BIVM: variants seen among roughly 807,000 people sequenced by gnomAD.
The protein encoded by BIVM is basic immunoglobulin-like variable motif-containing protein.
BIVM carries 31 observed loss-of-function variants against 61.4 expected under a neutral mutation model. The observed-to-expected ratio is 0.51, with a 90% confidence interval of 0.38 to 0.68. The LOEUF (loss-of-function observed/expected upper bound fraction) is 0.68, where lower values mean the gene tolerates loss of function less well. Ranked by LOEUF, BIVM falls within the 30% of genes least tolerant of loss-of-function variation. The pLI is 0.00. For missense variants in BIVM, 526 were observed against 596.0 expected (o/e 0.88, Z 1.22); for synonymous variants, 189 against 210.7 (o/e 0.90, Z 0.89).
intron 9 of BIVM, among the ~76,000 whole-genome samples, chr13:102,836,286 A>G (rs560570782): frequency 6.6e-6 from 1 of 152,098 alleles, no homozygotes; most frequent in South Asian, 2.1e-4. Flanking sequence ...TAGAAGCTTT[A>G]TAGATTTTAT....
rs763136458 is a variant in BIVM, at chr13:102,838,630, T to A, written c.1122-13T>A. 1 of 1,597,460 alleles carries A rather than the reference T, an allele frequency of 6.3e-7. No individual in the cohort carries two copies. The highest frequency in any genetic ancestry group is 8.5e-7 in the Non-Finnish European group (1 of 1,173,820). ...AAAGAAAATTGTGCTTTATCCTTTC[T>A]TCTTAACTATAGATGGGCAGATATT... On this transcript the variant is annotated splice_polypyrimidine_tract_variant and intron_variant, in intron 9 of 10. Transcript: ENST00000257336.
At chr13:102,816,670 AATT>A in intron 4 of BIVM, 116 bp downstream of exon 4, 1 of 961,848 alleles carries the variant, frequency 1.0e-6, no homozygotes, top group East Asian at 3.6e-5. Context: ...TTATTTCTAA[AATT>A]ATTACCAGGA....
chr13:102,820,893 T>A (rs1880225006), intron 4 of BIVM, 144 bp from the exon 5 acceptor site: 1 of 698,332 alleles, frequency 1.4e-6, no homozygotes, highest in Admixed American at 3.2e-5. Flanking sequence ...ACATGATTAA[T>A]AAGTGAATAT....
chr13:102,830,192 C>T (rs1375177708), intron 7 of BIVM, among the ~76,000 whole-genome samples: 1 of 152,130 alleles, frequency 6.6e-6, no homozygotes, highest in Non-Finnish European at 1.5e-5. Flanking sequence ...CTATCTTATT[C>T]CACCTTATAT....
At position 102,835,858 on chromosome 13, in the gene BIVM, G is replaced by A. The variant is rs938576359; in HGVS notation, c.1121+1306G>A. 1.2e-4 allele frequency among the ~76,000 whole-genome samples: 18 copies of A among 152,140 alleles called. 1 individual carries two copies. Among genetic ancestry groups the A allele is most frequent in the South Asian group, 6.2e-4 (3 of 4,824 alleles). On this transcript the variant is annotated intron_variant, in intron 9 of 10. Transcript: ENST00000257336. The stretch of plus-strand genomic sequence containing the variant: ...GGGATTTGCCTGTTCTTGACATTTC[G>A]TATAAATGGTGTCATACAGTATGTA...
rs565070500 is a variant in BIVM at position 102,829,512 on chromosome 13, A to G, written c.902-2053A>G. Reference sequence around the variant, plus strand: ...TTTGTGTCTTCTCATACACAGAATTACTTTCTTGGACAACTACCTTAATGT... The same window carrying G: ...TTTGTGTCTTCTCATACACAGAATTGCTTTCTTGGACAACTACCTTAATGT... On this transcript the variant is annotated intron_variant, in intron 7 of 10. Transcript: ENST00000257336. 5.3e-5 allele frequency among the ~76,000 whole-genome samples: 8 copies of G among 152,266 alleles called. No individual in the cohort carries two copies. The South Asian group carries it at 1.7e-3, about 32-fold the overall frequency.
At chr13:102,819,900 T>C (rs1536377) in intron 4 of BIVM, among the ~76,000 whole-genome samples, 113,028 of 152,154 alleles carry the variant, frequency 0.74, 42,310 homozygotes, top group Non-Finnish European at 0.79. Flanking sequence ...ACACTAAAGT[T>C]GCTCTTAGTG....
chr13:102,829,433 A>G (rs1458650985), intron 7 of BIVM, among the ~76,000 whole-genome samples: 5 of 152,164 alleles, frequency 3.3e-5, no homozygotes, highest in African/African-American at 1.2e-4. Flanking sequence ...TTTTAAAGCT[A>G]TACTGAAGTA....
chr13:102,818,916 G>A (rs1253471862), intron 4 of BIVM, among the ~76,000 whole-genome samples: 1 of 152,026 alleles, frequency 6.6e-6, no homozygotes, highest in African/African-American at 2.4e-5. Flanking sequence ...GCAATACTTT[G>A]TTAGTAAATA....
At chr13:102,812,693 G>C (rs1358679233) in intron 3 of BIVM, among the ~76,000 whole-genome samples, 1 of 152,036 alleles carries the variant, frequency 6.6e-6, no homozygotes, top group Non-Finnish European at 1.5e-5. Context: ...TTTTTGAAAT[G>C]TCTGGCTCCC....
At chr13:102,827,732 C>G (rs962589533) in intron 7 of BIVM, among the ~76,000 whole-genome samples, 1 of 152,108 alleles carries the variant, frequency 6.6e-6, no homozygotes, top group African/African-American at 2.4e-5. Context: ...GAGTGTCCAG[C>G]TCCTTGACCA....
chr13:102,821,334 T>C (rs925292400), intron 5 of BIVM, among the ~76,000 whole-genome samples: 12 of 152,172 alleles, frequency 7.9e-5, no homozygotes, highest in Non-Finnish European at 1.6e-4. Flanking sequence ...TGGCCCACAC[T>C]TGTAATGTCA....
rs1032605205 is a variant in BIVM, at chr13:102,799,147, G to A, written c.-581G>A. The A allele has an allele frequency of 5.1e-5, 20 of 394,414 alleles. No individual in the cohort carries two copies. The highest frequency in any genetic ancestry group is 4.1e-4 in the African/African-American group (20 of 48,498). 24.4% of individuals were successfully genotyped at this position (394,414 alleles called of 1,614,324 possible). A position where few individuals can be genotyped will look rare whatever the true frequency, so the allele number is the denominator to read the frequency against. Reference sequence around the variant, plus strand: ...TCGCGACAGGACGAGCGGAAATACTGCCAGGATTTTACCACCTCTCGCCCA... The same window carrying A: ...TCGCGACAGGACGAGCGGAAATACTACCAGGATTTTACCACCTCTCGCCCA... On this transcript the variant is annotated 5_prime_UTR_variant, in exon 1 of 11. Coordinates refer to ENST00000257336, the MANE Select transcript of BIVM (RefSeq NM_017693.4).
chr13:102,813,544 T>C (rs2139174980), intron 3 of BIVM, among the ~76,000 whole-genome samples: 1 of 152,364 alleles, frequency 6.6e-6, no homozygotes, highest in Non-Finnish European at 1.5e-5. Flanking sequence ...TAATTTCTTA[T>C]CTGCAAATTT....
rs1403685474 is a variant in BIVM at position 102,840,001 on chromosome 13, C to T, written c.*136C>T. ...TGGTATAAAAAATAACCTTGTAGTT[C>T]TCCAGATACTAAGCTTGTATATGAT... On this transcript the variant is annotated 3_prime_UTR_variant, in exon 11 of 11. Transcript: ENST00000257336. 2 of 886,076 alleles carry T rather than the reference C, an allele frequency of 2.3e-6. No homozygotes were observed. Among genetic ancestry groups the T allele is most frequent in the Admixed American group, 5.2e-5 (2 of 38,778 alleles). 54.9% of individuals were successfully genotyped at this position (886,076 alleles called of 1,614,324 possible).
intron 3 of BIVM, among the ~76,000 whole-genome samples, chr13:102,810,409 C>T (rs545913230): frequency 6.6e-5 from 10 of 152,274 alleles, no homozygotes; most frequent in East Asian, 3.9e-4. Context: ...TGTGAACCCA[C>T]GTATACAAAA....
At chr13:102,804,320 C>CT (rs1264496768) in intron 1 of BIVM, among the ~76,000 whole-genome samples, 2 of 149,720 alleles carry the variant, frequency 1.3e-5, no homozygotes, top group Admixed American at 6.7e-5. Flanking sequence ...TAATTTTTAT[C>CT]TTTTTTTTGA....
chr13:102,829,071 T>C (rs1880877170), intron 7 of BIVM, among the ~76,000 whole-genome samples: 1 of 151,942 alleles, frequency 6.6e-6, no homozygotes, highest in Admixed American at 6.6e-5. Flanking sequence ...CAGAGTAATG[T>C]TAGATTGCTG....
chr13:102,824,498 C>T (rs1370109470), intron 7 of BIVM, among the ~76,000 whole-genome samples: 1 of 152,182 alleles, frequency 6.6e-6, no homozygotes, highest in African/African-American at 2.4e-5. Context: ...AAATCATTAA[C>T]CTAGAGGAGC....
Sources: gnomAD v4.1 joint callset for allele counts (sites outside exome capture counted in the v4.1 genomes callset) on GRCh38, gnomAD v4.1.1 for gene constraint, MANE v1.5 for transcripts, NCBI Gene and HGNC (gene_info 2026-07-23, HGNC 2026-07-21) for gene names.